The following ARHGAP24 variants were observed in gnomAD, a reference collection of about 807,000 sequenced individuals.
ARHGAP24 encodes Rho GTPase activating protein 24.
Under a neutral mutation model 76.4 loss-of-function variants are expected in ARHGAP24, and 50 were observed. That is an observed-to-expected ratio of 0.65 (90% CI 0.52 to 0.83). ARHGAP24 has a LOEUF of 0.83. Ranked by LOEUF, ARHGAP24 falls within the 40% of genes least tolerant of loss-of-function variation. The pLI is 0.00. For missense variants in ARHGAP24, 930 were observed against 914.2 expected, an observed-to-expected ratio of 1.02 and a Z score of -0.22; for synonymous variants, 345 against 323.3, an observed-to-expected ratio of 1.07 and a Z score of -0.72.
chr4:85,590,707 GT>G (rs1352325093), intron 2 of ARHGAP24, among the ~76,000 whole-genome samples: 6 of 151,904 alleles, frequency 3.9e-5, no homozygotes, highest in African/African-American at 1.5e-4. Context: ...AGTACTTTCT[GT>G]CTGCCGTGGT....
chr4:85,971,922 AT>A, intron 5 of ARHGAP24, 113 bp from the exon 6 acceptor site: 1 of 1,488,514 alleles, frequency 6.7e-7, no homozygotes, highest in South Asian at 1.2e-5. Context: ...AACTGGGTTG[AT>A]TCATTCAATT....
At chr4:85,614,100 A>G (rs1720475489) in intron 2 of ARHGAP24, among the ~76,000 whole-genome samples, 1 of 152,214 alleles carries the variant, frequency 6.6e-6, no homozygotes, top group African/African-American at 2.4e-5. Context: ...ATTGGCAAAA[A>G]ATGATGATCA....
chr4:85,541,142 C>CTTTTTTTTTTTTTTT lies in ARHGAP24; in HGVS notation c.-20-29365_-20-29351dup, dbSNP rs70948733. 3.6e-4 allele frequency among the ~76,000 whole-genome samples: 18 copies of CTTTTTTTTTTTTTTT among 49,772 alleles called. 1 individual carries two copies. The highest frequency in any genetic ancestry group is 1.4e-3 in the South Asian group (1 of 734). The allele number at this position is 49,772 out of a possible 152,430, so 32.7% of individuals were successfully genotyped here. A position where few individuals can be genotyped will look rare whatever the true frequency, so the allele number is the denominator to read the frequency against. On this transcript the variant is annotated intron_variant, in intron 1 of 9. Coordinates refer to ENST00000395184, the MANE Select transcript of ARHGAP24 (RefSeq NM_001025616.3). ...TGTGTCTTCTGCTAGCATCCATGAC[C>CTTTTTTTTTTTTTTT]TTTTTTTTTTTTTTTTTTTTTTTTT...
At chr4:85,796,736 C>T (rs1221649647) in intron 3 of ARHGAP24, among the ~76,000 whole-genome samples, 2 of 152,092 alleles carry the variant, frequency 1.3e-5, no homozygotes, top group African/African-American at 4.8e-5. Context: ...GGGAATTGAG[C>T]ACCCAAGGAA....
At chr4:85,511,555 C>T (rs751226454) in intron 1 of ARHGAP24, among the ~76,000 whole-genome samples, 2 of 151,932 alleles carry the variant, frequency 1.3e-5, no homozygotes, top group African/African-American at 2.4e-5. Flanking sequence ...CTCTTCCTCA[C>T]GGGTTCAAAC....
At chr4:85,652,308 A>C (rs1721975998) in intron 2 of ARHGAP24, among the ~76,000 whole-genome samples, 1 of 152,212 alleles carries the variant, frequency 6.6e-6, no homozygotes, top group South Asian at 2.1e-4. Flanking sequence ...GAATATTTCT[A>C]CTACCGTATT....
intron 4 of ARHGAP24, among the ~76,000 whole-genome samples, chr4:85,934,790 T>C (rs2148819755): frequency 6.6e-6 from 1 of 152,302 alleles, no homozygotes; most frequent in East Asian, 1.9e-4. Context: ...GCTGGGATTA[T>C]AGGCGCAAGC....
At chr4:85,539,662 A>T (rs1189303602) in intron 1 of ARHGAP24, among the ~76,000 whole-genome samples, 1 of 152,214 alleles carries the variant, frequency 6.6e-6, no homozygotes, top group Non-Finnish European at 1.5e-5. Flanking sequence ...GTGAAAGGAA[A>T]ATTGAAAAAA....
At chr4:85,541,305 C>T (rs1325721224) in intron 1 of ARHGAP24, among the ~76,000 whole-genome samples, 8 of 138,012 alleles carry the variant, frequency 5.8e-5, no homozygotes, top group Non-Finnish European at 1.2e-4. Context: ...AGGCGCCCGC[C>T]ACTACGCCCG....
intron 2 of ARHGAP24, among the ~76,000 whole-genome samples, chr4:85,717,807 A>C (rs755142809): frequency 6.6e-6 from 1 of 152,068 alleles, no homozygotes; most frequent in African/African-American, 2.4e-5. Context: ...TGTCACACTC[A>C]TTTGTTTTAA....
intron 3 of ARHGAP24, among the ~76,000 whole-genome samples, chr4:85,859,790 C>T (rs1731786655): frequency 6.6e-6 from 1 of 152,086 alleles, no homozygotes; most frequent in South Asian, 2.1e-4. Flanking sequence ...AATGAGACAG[C>T]CTTTGCAGCA....
At chr4:85,811,154 G>A (rs1352372740) in intron 3 of ARHGAP24, among the ~76,000 whole-genome samples, 1 of 152,170 alleles carries the variant, frequency 6.6e-6, no homozygotes, top group Admixed American at 6.5e-5. Context: ...AAGAGCCAAT[G>A]ATTTCTGTGT....
chr4:85,606,284 C>T (rs1036642759), intron 2 of ARHGAP24, among the ~76,000 whole-genome samples: 3 of 152,192 alleles, frequency 2.0e-5, no homozygotes, highest in East Asian at 1.9e-4. Flanking sequence ...AAGGCCAAGG[C>T]GGGCAGATCA....
chr4:85,720,031 G>A (rs1011994462), intron 2 of ARHGAP24, among the ~76,000 whole-genome samples: 3 of 150,750 alleles, frequency 2.0e-5, no homozygotes, highest in Admixed American at 6.7e-5. Flanking sequence ...ACCAAACATC[G>A]CATGTTCTCA....
At chr4:85,630,310 AC>A (rs1410341943) in intron 2 of ARHGAP24, among the ~76,000 whole-genome samples, 2 of 152,158 alleles carry the variant, frequency 1.3e-5, no homozygotes, top group Admixed American at 1.3e-4. Flanking sequence ...CTTTAAGACT[AC>A]TTTTTGAATT....
intron 3 of ARHGAP24, among the ~76,000 whole-genome samples, chr4:85,866,507 T>C (rs1289939393): frequency 2.6e-5 from 4 of 152,166 alleles, no homozygotes; most frequent in African/African-American, 7.2e-5. Context: ...TTTAGAAAGA[T>C]TCAGTGCAGA....
intron 2 of ARHGAP24, among the ~76,000 whole-genome samples, chr4:85,602,562 A>C (rs1485962498): frequency 6.6e-6 from 1 of 152,210 alleles, no homozygotes. Flanking sequence ...CACCTATTGC[A>C]ATACCACCTT....
At chr4:85,591,182 C>G (rs1164677257) in intron 2 of ARHGAP24, among the ~76,000 whole-genome samples, 1 of 151,652 alleles carries the variant, frequency 6.6e-6, no homozygotes, top group African/African-American at 2.4e-5. Flanking sequence ...GTATCTGGGA[C>G]TACAGGCATG....
At position 85,549,537 on chromosome 4, in the gene ARHGAP24, G is replaced by GT. The variant is rs201203789; in HGVS notation, c.-20-20978dup. Among the ~76,000 whole-genome samples, 144 of 152,062 alleles carry GT rather than the reference G, an allele frequency of 9.5e-4. 1 individual carries two copies. Among genetic ancestry groups the GT allele is most frequent in the Middle Eastern group, 6.8e-3 (2 of 294 alleles). On this transcript the variant is annotated intron_variant, in intron 1 of 9. Transcript: ENST00000395184. ...AGTCATTTGTATATTATGGATATAA[G>GT]TTTTTTTAACAGATATATGCTTTGC...
Sources: gnomAD v4.1 joint callset for allele counts (sites outside exome capture counted in the v4.1 genomes callset) on GRCh38, gnomAD v4.1.1 for gene constraint, MANE v1.5 for transcripts, NCBI Gene and HGNC (gene_info 2026-07-23, HGNC 2026-07-21) for gene names.